SLC30A7: variants seen among roughly 807,000 people sequenced by gnomAD.
SLC30A7 encodes zinc transporter 7.
Under a neutral mutation model 46.0 loss-of-function variants are expected in SLC30A7, and 35 were observed. That is an observed-to-expected ratio of 0.76 (90% CI 0.58 to 1.01). The LOEUF (loss-of-function observed/expected upper bound fraction) is 1.01, where lower values mean the gene tolerates loss of function less well. SLC30A7 is among the 50% of genes least tolerant of loss of function. The pLI is 0.00. For missense variants in SLC30A7, 464 were observed against 451.1 expected, an observed-to-expected ratio of 1.03 and a Z score of -0.26; for synonymous variants, 147 against 157.8, an observed-to-expected ratio of 0.93 and a Z score of 0.51.
chr1:100,900,162 G>A (rs1207110299), intron 2 of SLC30A7, among the ~76,000 whole-genome samples: 3 of 152,114 alleles, frequency 2.0e-5, no homozygotes, highest in Non-Finnish European at 2.9e-5. Context: ...GTTTTTTCTA[G>A]TATCTCAATA....
rs1197850807 is a variant in SLC30A7 at position 100,980,731 on chromosome 1, G to A, written c.*5874G>A. 2.0e-5 allele frequency: 3 copies of A among 151,718 alleles called. No homozygotes were observed. Among genetic ancestry groups the A allele is most frequent in the African/African-American group, 7.3e-5 (3 of 41,296 alleles). The allele number at this position is 151,718 out of a possible 1,614,324, so 9.4% of individuals were successfully genotyped here. ...TCATATACAGTGGAAGTATACAGATGTTATCCATTTTACAAATTGTTGGAT... is the reference window on the plus strand; with the variant it reads ...TCATATACAGTGGAAGTATACAGATATTATCCATTTTACAAATTGTTGGAT... On this transcript the variant is annotated 3_prime_UTR_variant, in exon 11 of 11. Transcript: ENST00000357650.
intron 10 of SLC30A7, among the ~76,000 whole-genome samples, chr1:100,968,043 T>TA (rs558237358): frequency 2.0e-5 from 3 of 151,978 alleles, no homozygotes; most frequent in East Asian, 1.9e-4. Flanking sequence ...TTGGCAAAAA[T>TA]AAAAAAAATT....
At chr1:100,932,846 T>C (rs1653736153) in intron 8 of SLC30A7, among the ~76,000 whole-genome samples, 1 of 152,210 alleles carries the variant, frequency 6.6e-6, no homozygotes, top group African/African-American at 2.4e-5. Flanking sequence ...TCTTCTAAAA[T>C]TGTTGATGTC....
At chr1:100,974,220 G>A (rs977777513) in intron 10 of SLC30A7, among the ~76,000 whole-genome samples, 1 of 152,138 alleles carries the variant, frequency 6.6e-6, no homozygotes, top group Non-Finnish European at 1.5e-5. Flanking sequence ...GTACCCAAAA[G>A]ATAATTTCTC....
intron 8 of SLC30A7, among the ~76,000 whole-genome samples, chr1:100,924,512 C>G (rs1448367411): frequency 6.6e-6 from 1 of 152,126 alleles, no homozygotes; most frequent in Non-Finnish European, 1.5e-5. Flanking sequence ...GATTCTCTAC[C>G]TCCCAGGCTG....
chr1:100,995,524 G>A, the SLC30A7 span: 134 of 157,216 alleles, frequency 8.5e-4, no homozygotes, highest in Non-Finnish European at 1.6e-3. Flanking sequence ...TGTAATGTAA[G>A]TAGAAAAAAA....
At chr1:100,966,000 G>T in intron 10 of SLC30A7, 82 bp downstream of exon 10, 1 of 1,226,832 alleles carries the variant, frequency 8.2e-7, no homozygotes. Flanking sequence ...CAAGGCCAAT[G>T]TGAGAGGATG....
the SLC30A7 span, among the ~76,000 whole-genome samples, chr1:100,987,147 C>G: frequency 6.6e-6 from 1 of 152,100 alleles, no homozygotes; most frequent in African/African-American, 2.4e-5. Context: ...CTACTACCAC[C>G]CTTGGTAGCT....
chr1:100,966,025 TTTC>T (rs1402878290), intron 10 of SLC30A7, 107 bp downstream of exon 10: 1 of 995,128 alleles, frequency 1.0e-6, no homozygotes, highest in African/African-American at 1.6e-5. Context: ...GAGGCTAGGA[TTTC>T]TAGATCAGTG....
intron 10 of SLC30A7, among the ~76,000 whole-genome samples, chr1:100,968,215 C>G (rs1485716040): frequency 1.3e-5 from 2 of 152,182 alleles, no homozygotes; most frequent in East Asian, 1.9e-4. Context: ...AATCCCAGTG[C>G]TTTGGGAAGC....
chr1:100,907,917 T>C (rs1290697407), intron 3 of SLC30A7, among the ~76,000 whole-genome samples: 1 of 152,110 alleles, frequency 6.6e-6, no homozygotes, highest in African/African-American at 2.4e-5. Context: ...TTCCTTCTTC[T>C]GTCCCCCTAT....
intron 2 of SLC30A7, among the ~76,000 whole-genome samples, chr1:100,900,009 T>TGAGA (rs34930575): frequency 1.2e-4 from 18 of 148,906 alleles, no homozygotes; most frequent in Non-Finnish European, 2.2e-4. Context: ...AAGTGGGACT[T>TGAGA]GAGAGAGAGA....
intron 3 of SLC30A7, among the ~76,000 whole-genome samples, 180 bp downstream of exon 3, chr1:100,907,145 C>T (rs555279265): frequency 1.3e-5 from 2 of 152,284 alleles, no homozygotes; most frequent in Non-Finnish European, 1.5e-5. Flanking sequence ...TTCATGACTT[C>T]ATGGATGAGT....
intron 8 of SLC30A7, among the ~76,000 whole-genome samples, chr1:100,924,206 C>G (rs1487283102): frequency 6.6e-6 from 1 of 152,002 alleles, no homozygotes; most frequent in African/African-American, 2.4e-5. Flanking sequence ...GGTCTGAACT[C>G]CTTAGCAGGC....
At chr1:100,941,493 C>A in intron 8 of SLC30A7, 1 of 499,618 alleles carries the variant, frequency 2.0e-6, no homozygotes, top group Admixed American at 2.3e-5. Context: ...ACAGTCTTAT[C>A]CACAGTCATG....
At chr1:100,914,196 T>A (rs965836678) in intron 6 of SLC30A7, among the ~76,000 whole-genome samples, 1 of 152,228 alleles carries the variant, frequency 6.6e-6, no homozygotes, top group Non-Finnish European at 1.5e-5. Flanking sequence ...TATCCTGTGT[T>A]ATAAACAATC....
At chr1:100,901,105 C>A (rs1239179026) in intron 2 of SLC30A7, among the ~76,000 whole-genome samples, 1 of 152,066 alleles carries the variant, frequency 6.6e-6, no homozygotes, top group Admixed American at 6.6e-5. Flanking sequence ...AAGATAAAAT[C>A]CACCCCCCCT....
At chr1:100,984,119 A>G (rs7514731), downstream of SLC30A7, among the ~76,000 whole-genome samples, 22,704 of 152,182 alleles carry the variant, frequency 0.15, 1,716 homozygotes, top group African/African-American at 0.17. Flanking sequence ...AGGCAATCCT[A>G]TGGTGGTGGC....
At chr1:100,982,811 C>G (rs1316167144), downstream of SLC30A7, among the ~76,000 whole-genome samples, 1 of 152,168 alleles carries the variant, frequency 6.6e-6, no homozygotes, top group African/African-American at 2.4e-5. Context: ...TTCCTGAATG[C>G]CGGGAGCTGG....
Sources: allele counts gnomAD v4.1 joint callset (sites outside exome capture counted in the v4.1 genomes callset), GRCh38; gene constraint gnomAD v4.1.1; transcripts MANE v1.5; gene names NCBI Gene and HGNC (gene_info 2026-07-23, HGNC 2026-07-21).